TMEM74: variants seen among roughly 807,000 people sequenced by gnomAD.
The protein encoded by TMEM74 is transmembrane protein 74.
In TMEM74, 13 loss-of-function variants were observed where a neutral mutation model predicts 18.1. That is an observed-to-expected ratio of 0.72 (90% CI 0.47 to 1.14). The LOEUF (loss-of-function observed/expected upper bound fraction) is 1.14. TMEM74 is among the 50% of genes most tolerant of loss of function. The probability of loss-of-function intolerance (pLI) is 0.00; values close to 1 mark genes in which losing one functional copy is unlikely to be tolerated. For missense variants in TMEM74, 372 were observed against 375.9 expected (o/e 0.99, Z 0.09); for synonymous variants, 159 against 146.6 (o/e 1.08, Z -0.61).
Position 108,667,565 on chromosome 8 carries a change from T to C in TMEM74, n.120-12128A>G, listed in dbSNP as rs533353557. On this transcript the variant is annotated intron_variant and non_coding_transcript_variant, in intron 1 of 3. Transcript: ENST00000518838. ...AATAGGTAACTTATTAGTTGGGTAGTAGGAACTACTTACTGACTTCAGGAT... is the reference window on the plus strand; with the variant it reads ...AATAGGTAACTTATTAGTTGGGTAGCAGGAACTACTTACTGACTTCAGGAT... Among the ~76,000 whole-genome samples the C allele has an allele frequency of 2.0e-5, 3 of 152,272 alleles. No individual in the cohort carries two copies. In the East Asian group the frequency reaches 5.8e-4, roughly 29 times the overall value.
intron 1 of TMEM74, among the ~76,000 whole-genome samples, chr8:108,665,400 C>A (rs1812940074): frequency 6.6e-6 from 1 of 152,028 alleles, no homozygotes; most frequent in Non-Finnish European, 1.5e-5. Context: ...AAATGGGCAT[C>A]AGGGAGAAAG....
At chr8:108,656,470 A>T (rs542779657) in intron 1 of TMEM74, among the ~76,000 whole-genome samples, 5 of 152,328 alleles carry the variant, frequency 3.3e-5, no homozygotes, top group Admixed American at 1.3e-4. Flanking sequence ...TCGAACTTCA[A>T]TATCTTCTTC....
chr8:108,768,923 C>T lies in TMEM74; in HGVS notation n.119+18553G>A, dbSNP rs142775888. On this transcript the variant is annotated intron_variant and non_coding_transcript_variant, in intron 1 of 3. Coordinates refer to the TMEM74 transcript ENST00000518838. ...TGGACCCTTTGACCTGAGGCTGTTA[C>T]GTATGACTGACTTGTATGCAAGGTT... Among the ~76,000 whole-genome samples, 428 of 152,154 alleles carry T rather than the reference C, an allele frequency of 2.8e-3. 2 individuals carry two copies. The highest frequency in any genetic ancestry group is 9.9e-3 in the African/African-American group (410 of 41,516).
At chr8:108,719,495 A>G (rs1029153334) in intron 1 of TMEM74, among the ~76,000 whole-genome samples, 1 of 151,944 alleles carries the variant, frequency 6.6e-6, no homozygotes, top group African/African-American at 2.4e-5. Flanking sequence ...ACATTTTCTT[A>G]ATTGTTTTCT....
At chr8:108,681,718 T>C (rs1012216514) in intron 1 of TMEM74, among the ~76,000 whole-genome samples, 2 of 152,126 alleles carry the variant, frequency 1.3e-5, no homozygotes, top group Non-Finnish European at 2.9e-5. Flanking sequence ...CCTTTTGGGG[T>C]GAAGAAAATG....
rs538185067 is a variant in TMEM74, at chr8:108,762,063, T to C, written n.119+25413A>G. 4.6e-5 allele frequency among the ~76,000 whole-genome samples: 7 copies of C among 152,284 alleles called. No individual in the cohort carries two copies. The South Asian group carries it at 1.5e-3, about 32-fold the overall frequency. The stretch of plus-strand genomic sequence containing the variant: ...TTTAATAGTGTTTCATTCTTCCTGC[T>C]ATTAACACCAGAGGCCAAAGTTGAC... On this transcript the variant is annotated intron_variant and non_coding_transcript_variant, in intron 1 of 3. Coordinates refer to the TMEM74 transcript ENST00000518838.
chr8:108,719,048 C>T (rs1031965365), intron 1 of TMEM74, among the ~76,000 whole-genome samples: 1 of 151,242 alleles, frequency 6.6e-6, no homozygotes, highest in African/African-American at 2.4e-5. Context: ...ATGCAGTGTT[C>T]CGATAAAAAT....
chr8:108,619,035 G>A (rs1497637), intron 2 of TMEM74, among the ~76,000 whole-genome samples: 33,265 of 152,004 alleles, frequency 0.22, 3,667 homozygotes, highest in East Asian at 0.27. Flanking sequence ...ATGAGACATA[G>A]AAGTTTATAG....
intron 1 of TMEM74, among the ~76,000 whole-genome samples, chr8:108,727,272 G>T (rs186336041): frequency 7.2e-5 from 11 of 152,280 alleles, no homozygotes. Context: ...CAGCTGCTGT[G>T]TGGAGAACAA....
intron 1 of TMEM74, among the ~76,000 whole-genome samples, chr8:108,676,485 G>T (rs10104284): frequency 6.6e-6 from 1 of 151,836 alleles, no homozygotes; most frequent in Non-Finnish European, 1.5e-5. Flanking sequence ...GCATGCACAC[G>T]GCTCACTTCC....
At chr8:108,614,127 A>T (rs1812361016) in intron 2 of TMEM74, among the ~76,000 whole-genome samples, 1 of 151,876 alleles carries the variant, frequency 6.6e-6, no homozygotes, top group Non-Finnish European at 1.5e-5. Context: ...AAGATTAAAT[A>T]AGCTATTATG....
intron 1 of TMEM74, among the ~76,000 whole-genome samples, chr8:108,695,907 A>C (rs781763287): frequency 6.6e-6 from 1 of 152,088 alleles, no homozygotes; most frequent in Non-Finnish European, 1.5e-5. Context: ...TTTCACTCTT[A>C]GGAGTGAATT....
At chr8:108,756,638 GGA>G (rs560207228) in intron 1 of TMEM74, among the ~76,000 whole-genome samples, 30 of 69,364 alleles carry the variant, frequency 4.3e-4, no homozygotes, top group African/African-American at 1.4e-3. Flanking sequence ...AAGGAAGGAA[GGA>G]AGAAAGAAAG....
chr8:108,722,382 C>G (rs759462525), intron 1 of TMEM74, among the ~76,000 whole-genome samples: 1 of 152,174 alleles, frequency 6.6e-6, no homozygotes, highest in South Asian at 2.1e-4. Context: ...TCCTGTTGCT[C>G]TAAAGTGGCT....
intron 1 of TMEM74, among the ~76,000 whole-genome samples, chr8:108,681,818 G>T (rs1909031): frequency 6.6e-6 from 1 of 151,942 alleles, no homozygotes; most frequent in East Asian, 1.9e-4. Flanking sequence ...ATGGTAAATT[G>T]TATGTTGTGT....
intron 1 of TMEM74, among the ~76,000 whole-genome samples, chr8:108,746,060 C>T (rs1021941619): frequency 6.6e-6 from 1 of 152,076 alleles, no homozygotes; most frequent in African/African-American, 2.4e-5. Context: ...CTTGCTGATG[C>T]CCCCAGCTGA....
At chr8:108,765,006 C>T (rs1340999469) in intron 1 of TMEM74, among the ~76,000 whole-genome samples, 1 of 152,130 alleles carries the variant, frequency 6.6e-6, no homozygotes, top group African/African-American at 2.4e-5. Flanking sequence ...TCTGGGCCTT[C>T]TAGTCTCTTC....
intron 1 of TMEM74, among the ~76,000 whole-genome samples, chr8:108,770,250 G>T (rs370740908): frequency 1.3e-5 from 2 of 152,094 alleles, no homozygotes; most frequent in African/African-American, 2.4e-5. Flanking sequence ...AAGATAAAAT[G>T]ATTCCTTTTA....
At chr8:108,681,191 A>T (rs1415686068) in intron 1 of TMEM74, among the ~76,000 whole-genome samples, 2 of 152,214 alleles carry the variant, frequency 1.3e-5, no homozygotes, top group Admixed American at 1.3e-4. Flanking sequence ...GGAACCAAAA[A>T]AGAGCCCGCA....
Sources: gnomAD v4.1 joint callset for allele counts (sites outside exome capture counted in the v4.1 genomes callset) on GRCh38, gnomAD v4.1.1 for gene constraint, MANE v1.5 for transcripts, NCBI Gene and HGNC (gene_info 2026-07-23, HGNC 2026-07-21) for gene names.